Variants in ANXA9 observed in about 807,000 individuals in gnomAD.
ANXA9 encodes annexin A9, also known as annexin 31.
Under a neutral mutation model 51.8 loss-of-function variants are expected in ANXA9, and 47 were observed. The observed-to-expected ratio is 0.91, with a 90% CI of 0.72 to 1.16. The LOEUF is 1.16. Ranked by LOEUF, ANXA9 falls within the 50% of genes most tolerant of loss-of-function variation. ANXA9 has a pLI of 0.00. For synonymous variants in ANXA9, 154 were observed against 168.7 expected (o/e 0.91, Z 0.68); for missense variants, 361 against 424.7 (o/e 0.85, Z 1.32).
chr1:150,983,980 G>T lies in ANXA9; in HGVS notation c.178G>T (p.Asp60Tyr), dbSNP rs998784689. The T allele has an allele frequency of 2.5e-6, 4 of 1,612,340 alleles. 1 individual carries two copies. ...CAGCCCTCATCTCGGTTCAGGCGTG[G>T]ACCGCAGTGCCATTGTGGACGTGCT... ...LLRAITGQGV[D>Y]RSAIVDVLTN... The change falls in exon 5 of 14, where the codon GAC becomes TAC. Residue 60 changes from aspartate to tyrosine, a missense_variant. Physicochemically the swap from Asp to Tyr is radical, Grantham distance 160. Coordinates refer to ENST00000368947, the MANE Select transcript of ANXA9 (RefSeq NM_003568.3).
intron 12 of ANXA9, among the ~76,000 whole-genome samples, chr1:150,990,699 T>G (rs1671674507): frequency 6.6e-6 from 1 of 152,014 alleles, no homozygotes; most frequent in African/African-American, 2.4e-5. Flanking sequence ...ATACAAAAAT[T>G]AGCCAGGGGG....
chr1:150,994,067 G>C (rs1241004097), intron 12 of ANXA9, among the ~76,000 whole-genome samples: 1 of 152,188 alleles, frequency 6.6e-6, no homozygotes, highest in Non-Finnish European at 1.5e-5. Context: ...ATGGGGCTGT[G>C]AGATGGCCCT....
rs1269186161 is a variant in ANXA9 at position 150,984,482 on chromosome 1, C to T, written c.381+88C>T. On this transcript the variant is annotated intron_variant, in intron 6 of 13. Transcript: ENST00000368947. ...TGCAAGACGAGAGTCCCCCTCTCGT[C>T]GTCCCATATTGTTTCTTAGAAGGAG... is the stretch of plus-strand genomic sequence containing the variant. The T allele has an allele frequency of 1.5e-5, 23 of 1,530,456 alleles. No individual in the cohort carries two copies. In the Middle Eastern group the frequency reaches 5.2e-4, roughly 34 times the overall value. The allele number at this position is 1,530,456 out of a possible 1,614,324, so 94.8% of individuals were successfully genotyped here. A position where few individuals can be genotyped will look rare whatever the true frequency, so the allele number is the denominator to read the frequency against.
upstream of ANXA9, among the ~76,000 whole-genome samples, chr1:150,978,651 C>A (rs1671372048): frequency 6.6e-6 from 1 of 151,986 alleles, no homozygotes; most frequent in East Asian, 1.9e-4. Flanking sequence ...ACTCAGACTC[C>A]TTGAGTCAGT....
chr1:150,980,223 T>C (rs1671391150), upstream of ANXA9, among the ~76,000 whole-genome samples: 1 of 152,076 alleles, frequency 6.6e-6, no homozygotes, highest in African/African-American at 2.4e-5. Flanking sequence ...GGTGAAACCC[T>C]ATCTCTACTA....
intron 7 of ANXA9, among the ~76,000 whole-genome samples, chr1:150,985,064 T>C (rs1320110949): frequency 6.6e-6 from 1 of 151,734 alleles, no homozygotes; most frequent in Non-Finnish European, 1.5e-5. Flanking sequence ...ACTCAGGAGT[T>C]TGAGGTGGGA....
At chr1:150,988,449 G>A in intron 12 of ANXA9, 108 bp downstream of exon 12, 1 of 1,342,846 alleles carries the variant, frequency 7.4e-7, no homozygotes, top group African/African-American at 1.4e-5. Flanking sequence ...TAAACCTCAA[G>A]CCGCTCTCCT....
chr1:150,987,724 T>G, intron 9 of ANXA9, 148 bp from the exon 10 acceptor site: 2 of 649,228 alleles, frequency 3.1e-6, no homozygotes, highest in East Asian at 2.8e-5. Context: ...TGAGAGTCCT[T>G]CTCAAAAAAA....
chr1:150,987,187 G>A (rs2102795159), intron 9 of ANXA9, among the ~76,000 whole-genome samples: 3 of 152,096 alleles, frequency 2.0e-5, no homozygotes, highest in Admixed American at 2.0e-4. Context: ...AGGCAACATA[G>A]TGAGACTCTA....
intron 7 of ANXA9, among the ~76,000 whole-genome samples, chr1:150,985,902 C>T (rs1040637340): frequency 6.6e-6 from 1 of 152,152 alleles, no homozygotes; most frequent in Non-Finnish European, 1.5e-5. Flanking sequence ...TACCTTCCTT[C>T]CTTCTTGCAT....
rs991920103 is a variant in ANXA9 at position 150,991,182 on chromosome 1, AAAAT to A, written c.852+2852_852+2855del. ...TAATAATAAATAAATAAACAAATAT[AAAAT>A]AAATAAATAAGGAAAAAATCATGAT... On this transcript the variant is annotated intron_variant, in intron 12 of 13. Coordinates refer to ENST00000368947, the MANE Select transcript of ANXA9 (RefSeq NM_003568.3). Among the ~76,000 whole-genome samples, 9 of 151,188 alleles carry A rather than the reference AAAAT, an allele frequency of 6.0e-5. No homozygotes were observed. The South Asian group carries it at 6.2e-4, about 10-fold the overall frequency.
At chr1:150,990,233 C>T (rs1671662766) in intron 12 of ANXA9, among the ~76,000 whole-genome samples, 1 of 123,500 alleles carries the variant, frequency 8.1e-6, no homozygotes, top group Non-Finnish European at 1.6e-5. Flanking sequence ...ATTGCTTGAG[C>T]CCATGAATTA....
At chr1:150,990,150 ATAAG>A (rs1671661085) in intron 12 of ANXA9, among the ~76,000 whole-genome samples, 1 of 151,856 alleles carries the variant, frequency 6.6e-6, no homozygotes, top group African/African-American at 2.4e-5. Context: ...CTCTACAAAA[ATAAG>A]AAGAAAATTT....
At chr1:150,990,626 T>C (rs954672225) in intron 12 of ANXA9, among the ~76,000 whole-genome samples, 1 of 152,040 alleles carries the variant, frequency 6.6e-6, no homozygotes, top group Admixed American at 6.6e-5. Context: ...GCGGGTGGAT[T>C]ATTTGAGGCC....
rs587737229 is a variant in ANXA9 at position 150,983,969 on chromosome 1, G to T, written c.173-6G>T. ...TGCTCACAGCACAGCCCTCATCTCG[G>T]TTCAGGCGTGGACCGCAGTGCCATT... On this transcript the variant is annotated splice_polypyrimidine_tract_variant and splice_region_variant and intron_variant, in intron 4 of 13. Transcript: ENST00000368947. The T allele has an allele frequency of 3.1e-6, 5 of 1,611,504 alleles. No homozygotes were observed. In the South Asian group the frequency reaches 5.5e-5, roughly 18 times the overall value.
intron 6 of ANXA9, 26 bp downstream of exon 6, chr1:150,984,420 G>T: frequency 6.2e-7 from 1 of 1,607,942 alleles, no homozygotes; most frequent in Non-Finnish European, 8.5e-7. Flanking sequence ...ACTTGCTGGG[G>T]TGTCTGGGGA....
chr1:150,987,950 A>T lies in ANXA9; in HGVS notation c.691A>T (p.Ile231Phe), dbSNP rs587766663. The change falls in exon 10 of 14, where the codon ATC (isoleucine) becomes TTC (phenylalanine). Residue 231 changes from isoleucine (I) to phenylalanine (F), a missense_variant. Coordinates refer to ENST00000368947, the MANE Select transcript of ANXA9 (RefSeq NM_003568.3). ...CACCCAGCGAAATCCTGAACACCTC[A>T]TCCGAGGTACACACAAGCCTTCTTG... ...VFTQRNPEHL[I>F]RVFDQYQRST... 47 of 1,613,730 alleles carry T rather than the reference A, an allele frequency of 2.9e-5. No individual in the cohort carries two copies. The South Asian group carries it at 5.1e-4, about 17-fold the overall frequency.
At chr1:150,991,857 C>T (rs1671709348) in intron 12 of ANXA9, among the ~76,000 whole-genome samples, 1 of 151,936 alleles carries the variant, frequency 6.6e-6, no homozygotes. Flanking sequence ...ACCTCTGCCT[C>T]CTGGGTTCCA....
upstream of ANXA9, among the ~76,000 whole-genome samples, chr1:150,981,718 C>G (rs1009420426): frequency 6.6e-6 from 1 of 152,256 alleles, no homozygotes; most frequent in Non-Finnish European, 1.5e-5. Context: ...AACTTCCACT[C>G]CCAAATACTT....
Sources: gnomAD v4.1 joint callset for allele counts (sites outside exome capture counted in the v4.1 genomes callset) on GRCh38, gnomAD v4.1.1 for gene constraint, MANE v1.5 for transcripts, NCBI Gene and HGNC (gene_info 2026-07-23, HGNC 2026-07-21) for gene names.